ATRNL1: variants seen among roughly 807,000 people sequenced by gnomAD.
The protein encoded by ATRNL1 is attractin like 1.
In ATRNL1, 95 loss-of-function variants were observed where a neutral mutation model predicts 182.7. The observed-to-expected ratio is 0.52, with a 90% CI of 0.44 to 0.62. ATRNL1 has a LOEUF of 0.62. Ranked by LOEUF, ATRNL1 falls within the 20% of genes least tolerant of loss-of-function variation. The pLI is 0.00. For missense variants in ATRNL1, 1,471 were observed against 1,679.5 expected (o/e 0.88, Z 2.17); for synonymous variants, 576 against 568.3 (o/e 1.01, Z -0.19).
intron 28 of ATRNL1, among the ~76,000 whole-genome samples, chr10:115,875,248 G>C (rs1353235077): frequency 6.6e-6 from 1 of 152,172 alleles, no homozygotes; most frequent in Non-Finnish European, 1.5e-5. Flanking sequence ...GATCTTTTCT[G>C]GTTGAATACA....
chr10:115,106,109 G>A (rs782642724), intron 1 of ATRNL1, among the ~76,000 whole-genome samples: 42 of 152,122 alleles, frequency 2.8e-4, no homozygotes, highest in Non-Finnish European at 4.9e-4. Context: ...CCACAGGGTC[G>A]GAGCTGCCCA....
chr10:115,745,782 G>A (rs1272161342), intron 27 of ATRNL1, among the ~76,000 whole-genome samples: 1 of 152,070 alleles, frequency 6.6e-6, no homozygotes, highest in Non-Finnish European at 1.5e-5. Flanking sequence ...TTCCAACATT[G>A]GTGGGGTCTG....
chr10:115,401,951 C>T (rs1222966876), intron 20 of ATRNL1, among the ~76,000 whole-genome samples: 1 of 152,104 alleles, frequency 6.6e-6, no homozygotes, highest in Admixed American at 6.6e-5. Context: ...CAGTAGTACT[C>T]ATAATTTGGC....
intron 19 of ATRNL1, among the ~76,000 whole-genome samples, chr10:115,383,313 C>CT (rs11459102): frequency 0.7 from 105,337 of 151,488 alleles, 37,450 homozygotes; most frequent in Non-Finnish European, 0.75. Flanking sequence ...GTGATGTCTC[C>CT]CTTTCATTCC....
At chr10:115,463,738 A>G (rs1165241153) in intron 22 of ATRNL1, among the ~76,000 whole-genome samples, 3 of 152,016 alleles carry the variant, frequency 2.0e-5, no homozygotes, top group Admixed American at 6.6e-5. Context: ...TAGGTACCTC[A>G]TATAAATGTA....
At chr10:115,379,501 A>G (rs371337734) in intron 19 of ATRNL1, among the ~76,000 whole-genome samples, 9 of 152,234 alleles carry the variant, frequency 5.9e-5, no homozygotes, top group Admixed American at 5.9e-4. Flanking sequence ...CAGTTTTGCC[A>G]TAACAGATAA....
At chr10:115,553,293 C>T (rs543061587) in intron 26 of ATRNL1, among the ~76,000 whole-genome samples, 1 of 151,290 alleles carries the variant, frequency 6.6e-6, no homozygotes, top group Non-Finnish European at 1.5e-5. Flanking sequence ...ATAATAGATC[C>T]ATAGGCAAAG....
chr10:115,829,863 A>G (rs1950520767), intron 27 of ATRNL1, among the ~76,000 whole-genome samples: 1 of 152,140 alleles, frequency 6.6e-6, no homozygotes, highest in African/African-American at 2.4e-5. Flanking sequence ...CAGCAATGCC[A>G]CCTTTTAGCC....
At chr10:115,505,721 G>C (rs1485142324) in intron 24 of ATRNL1, among the ~76,000 whole-genome samples, 1 of 150,130 alleles carries the variant, frequency 6.7e-6, no homozygotes, top group African/African-American at 2.4e-5. Flanking sequence ...TTCTAGGAGA[G>C]AAAAAAAAAC....
At chr10:115,846,869 A>G (rs1435991124) in intron 27 of ATRNL1, among the ~76,000 whole-genome samples, 1 of 152,126 alleles carries the variant, frequency 6.6e-6, no homozygotes, top group African/African-American at 2.4e-5. Flanking sequence ...AACTAGCTAT[A>G]TGAATCTGAG....
At chr10:115,770,480 T>G (rs1453519492) in intron 27 of ATRNL1, among the ~76,000 whole-genome samples, 1 of 152,188 alleles carries the variant, frequency 6.6e-6, no homozygotes, top group Non-Finnish European at 1.5e-5. Flanking sequence ...GGTAACTGAT[T>G]AAGCTTATTC....
intron 26 of ATRNL1, among the ~76,000 whole-genome samples, chr10:115,591,028 T>C (rs1480083515): frequency 2.0e-5 from 3 of 152,202 alleles, no homozygotes; most frequent in African/African-American, 7.2e-5. Context: ...CTTTTTTGGA[T>C]CTGAGCACTG....
At chr10:115,711,586 A>G (rs1947064917) in intron 26 of ATRNL1, among the ~76,000 whole-genome samples, 1 of 152,140 alleles carries the variant, frequency 6.6e-6, no homozygotes, top group Admixed American at 6.6e-5. Flanking sequence ...GAGGGAGGAG[A>G]TCAGCAGTTT....
intron 26 of ATRNL1, among the ~76,000 whole-genome samples, chr10:115,611,869 T>G (rs1555019094): frequency 1.3e-5 from 2 of 152,168 alleles, no homozygotes; most frequent in Non-Finnish European, 1.5e-5. Context: ...TTTTTAAAAT[T>G]TATTAATAGC....
intron 21 of ATRNL1, among the ~76,000 whole-genome samples, chr10:115,456,765 T>A (rs1847544836): frequency 6.6e-6 from 1 of 152,166 alleles, no homozygotes; most frequent in Admixed American, 6.6e-5. Flanking sequence ...AACTAATTTC[T>A]AAGCTTTTTT....
At chr10:115,320,867 C>T (rs1194980866) in intron 18 of ATRNL1, among the ~76,000 whole-genome samples, 2 of 152,202 alleles carry the variant, frequency 1.3e-5, no homozygotes, top group East Asian at 3.9e-4. Context: ...AAGCCTACTT[C>T]TGTCAATTTG....
intron 26 of ATRNL1, among the ~76,000 whole-genome samples, chr10:115,719,051 A>G (rs1180642636): frequency 6.6e-6 from 1 of 152,220 alleles, no homozygotes; most frequent in Non-Finnish European, 1.5e-5. Context: ...TCTTGATATG[A>G]GCAAACTATC....
chr10:115,325,374 C>G (rs1268342602), intron 18 of ATRNL1, among the ~76,000 whole-genome samples: 1 of 152,184 alleles, frequency 6.6e-6, no homozygotes, highest in Non-Finnish European at 1.5e-5. Context: ...GGGAATAGAA[C>G]ATAACCATAG....
chr10:115,305,614 C>T (rs1468104675), intron 17 of ATRNL1, among the ~76,000 whole-genome samples: 1 of 152,158 alleles, frequency 6.6e-6, no homozygotes, highest in African/African-American at 2.4e-5. Context: ...CGCACCTTCT[C>T]CTGCCTCAAT....
Sources: gnomAD v4.1 joint callset for allele counts (sites outside exome capture counted in the v4.1 genomes callset) on GRCh38, gnomAD v4.1.1 for gene constraint, MANE v1.5 for transcripts, NCBI Gene and HGNC (gene_info 2026-07-23, HGNC 2026-07-21) for gene names.